SLC4A10: variants seen among roughly 807,000 people sequenced by gnomAD.
The protein encoded by SLC4A10 is solute carrier family 4 member 10, also known as sodium-driven chloride bicarbonate exchanger.
Under a neutral mutation model 137.7 loss-of-function variants are expected in SLC4A10, and 42 were observed. The ratio of observed to expected loss-of-function variants is 0.30; its 90% confidence interval spans 0.24 to 0.39. The LOEUF is 0.39. SLC4A10 is among the 10% of genes least tolerant of loss of function. SLC4A10 has a pLI of 1.00. For missense variants in SLC4A10, 925 were observed against 1,355.0 expected, an observed-to-expected ratio of 0.68 and a Z score of 4.98; for synonymous variants, 474 against 464.1, an observed-to-expected ratio of 1.02 and a Z score of -0.27.
chr2:161,966,119 T>C (rs375774126), intron 23 of SLC4A10, among the ~76,000 whole-genome samples: 2 of 152,326 alleles, frequency 1.3e-5, no homozygotes, highest in South Asian at 4.1e-4. Flanking sequence ...TCAGAGGTCT[T>C]AGTCATTTAA....
intron 1 of SLC4A10, among the ~76,000 whole-genome samples, chr2:161,627,358 G>A (rs2032606500): frequency 6.6e-6 from 1 of 151,948 alleles, no homozygotes. Flanking sequence ...TGAAAACTTT[G>A]CAGTATGCTT....
chr2:161,850,515 A>G (rs1228795563), intron 4 of SLC4A10, among the ~76,000 whole-genome samples: 1 of 152,132 alleles, frequency 6.6e-6, no homozygotes, highest in East Asian at 1.9e-4. Flanking sequence ...GGTGTTCATA[A>G]TAGTCTCTTA....
intron 25 of SLC4A10, among the ~76,000 whole-genome samples, 194 bp downstream of exon 25, chr2:161,977,070 A>G (rs1171994602): frequency 2.6e-5 from 4 of 152,028 alleles, no homozygotes; most frequent in African/African-American, 4.8e-5. Flanking sequence ...GGTATGGGGA[A>G]CTGTGCTAGA....
intron 1 of SLC4A10, among the ~76,000 whole-genome samples, chr2:161,767,221 T>C (rs1559203758): frequency 1.6e-5 from 2 of 123,254 alleles, no homozygotes; most frequent in African/African-American, 6.6e-5. Flanking sequence ...TATACACATA[T>C]ATATATATAT....
intron 1 of SLC4A10, among the ~76,000 whole-genome samples, chr2:161,738,986 C>A (rs2047618041): frequency 6.6e-6 from 1 of 152,300 alleles, no homozygotes; most frequent in Non-Finnish European, 1.5e-5. Context: ...AAACCCACCT[C>A]TATCAGGCCC....
intron 1 of SLC4A10, among the ~76,000 whole-genome samples, chr2:161,628,394 G>A (rs2032868435): frequency 6.6e-6 from 1 of 151,944 alleles, no homozygotes; most frequent in East Asian, 1.9e-4. Context: ...AAGATAATTT[G>A]ATGATATAGG....
intron 1 of SLC4A10, among the ~76,000 whole-genome samples, chr2:161,738,937 C>T (rs930807120): frequency 6.6e-6 from 1 of 152,214 alleles, no homozygotes; most frequent in Non-Finnish European, 1.5e-5. Context: ...TAGCTACATT[C>T]ACTTTTAGCC....
chr2:161,642,605 T>G (rs746944903), intron 1 of SLC4A10, among the ~76,000 whole-genome samples: 1 of 152,060 alleles, frequency 6.6e-6, no homozygotes, highest in Non-Finnish European at 1.5e-5. Context: ...TTAACTCATT[T>G]ACATTAACTC....
intron 3 of SLC4A10, among the ~76,000 whole-genome samples, chr2:161,808,351 A>G (rs1485566463): frequency 6.6e-6 from 1 of 151,956 alleles, no homozygotes; most frequent in Non-Finnish European, 1.5e-5. Flanking sequence ...TCATTTATTC[A>G]TATTTTAGCT....
chr2:161,640,712 C>G (rs1202623178), intron 1 of SLC4A10, among the ~76,000 whole-genome samples: 1 of 147,958 alleles, frequency 6.8e-6, no homozygotes, highest in Non-Finnish European at 1.5e-5. Flanking sequence ...AGTGCAGTCG[C>G]TGGTTACAGG....
At chr2:161,792,809 G>A (rs565762294) in intron 2 of SLC4A10, among the ~76,000 whole-genome samples, 2 of 152,266 alleles carry the variant, frequency 1.3e-5, no homozygotes, top group Non-Finnish European at 2.9e-5. Flanking sequence ...CATTCTCCAA[G>A]GAGGTTTAGA....
chr2:161,797,925 GC>G (rs2054951270), intron 2 of SLC4A10, among the ~76,000 whole-genome samples: 1 of 151,984 alleles, frequency 6.6e-6, no homozygotes, highest in Non-Finnish European at 1.5e-5. Context: ...TAGTCATGAA[GC>G]CTTTTGTTTT....
At chr2:161,849,749 GC>G (rs994567129) in intron 4 of SLC4A10, among the ~76,000 whole-genome samples, 93 of 152,150 alleles carry the variant, frequency 6.1e-4, no homozygotes, top group African/African-American at 2.2e-3. Context: ...CAGGAATAAA[GC>G]CTATTTGATC....
At chr2:161,921,131 G>A (rs1688052982) in intron 15 of SLC4A10, among the ~76,000 whole-genome samples, 1 of 152,192 alleles carries the variant, frequency 6.6e-6, no homozygotes, top group African/African-American at 2.4e-5. Context: ...GAGCTCAGAA[G>A]CATTCATAGA....
intron 3 of SLC4A10, among the ~76,000 whole-genome samples, chr2:161,812,371 T>A (rs1559304311): frequency 6.6e-6 from 1 of 151,242 alleles, no homozygotes; most frequent in Non-Finnish European, 1.5e-5. Flanking sequence ...ATATCTTTCA[T>A]TTTTTTTTAA....
At chr2:161,905,454 T>G (rs1684137656) in intron 14 of SLC4A10, among the ~76,000 whole-genome samples, 188 bp from the exon 15 acceptor site, 1 of 152,204 alleles carries the variant, frequency 6.6e-6, no homozygotes, top group Admixed American at 6.5e-5. Flanking sequence ...TGTGCAACCC[T>G]TTTCATAACA....
chr2:161,948,391 G>C (rs1442964689), intron 17 of SLC4A10, among the ~76,000 whole-genome samples: 1 of 151,948 alleles, frequency 6.6e-6, no homozygotes, highest in Non-Finnish European at 1.5e-5. Flanking sequence ...CTTCTTTTTT[G>C]TCACCACTTT....
At chr2:161,660,581 T>C (rs1010604711) in intron 1 of SLC4A10, among the ~76,000 whole-genome samples, 5 of 131,310 alleles carry the variant, frequency 3.8e-5, no homozygotes, top group African/African-American at 1.3e-4. Context: ...TCTTTCTTTC[T>C]TTCTTTCTTT....
intron 1 of SLC4A10, among the ~76,000 whole-genome samples, chr2:161,658,073 G>T (rs2037788759): frequency 6.6e-6 from 1 of 151,914 alleles, no homozygotes; most frequent in Admixed American, 6.6e-5. Context: ...TTCTTTTCCT[G>T]CAAGCAATGA....
Sources: gnomAD v4.1 joint callset for allele counts (sites outside exome capture counted in the v4.1 genomes callset) on GRCh38, gnomAD v4.1.1 for gene constraint, MANE v1.5 for transcripts, NCBI Gene and HGNC (gene_info 2026-07-23, HGNC 2026-07-21) for gene names.